NDUFA9: variants seen among roughly 807,000 people sequenced by gnomAD.
The protein encoded by NDUFA9 is NADH dehydrogenase [ubiquinone] 1 alpha subcomplex subunit 9, mitochondrial.
NDUFA9 carries 23 observed loss-of-function variants against 45.9 expected under a neutral mutation model. The ratio of observed to expected loss-of-function variants is 0.50; its 90% CI spans 0.36 to 0.71. NDUFA9 has a LOEUF of 0.71. Among genes scored for constraint, NDUFA9 ranks in the 30% least tolerant of loss-of-function variants. The probability of loss-of-function intolerance (pLI) is 0.00; values close to 1 mark genes in which losing one functional copy is unlikely to be tolerated. For synonymous variants in NDUFA9, 176 were observed against 170.5 expected (o/e 1.03, Z -0.25); for missense variants, 466 against 488.2 (o/e 0.95, Z 0.43).
At chr12:4,667,000 G>T (rs928020840) in intron 6 of NDUFA9, among the ~76,000 whole-genome samples, 4 of 152,166 alleles carry the variant, frequency 2.6e-5, no homozygotes, top group Admixed American at 2.6e-4. Flanking sequence ...CCATTTTGGG[G>T]TACAACAAAC....
intron 1 of NDUFA9, among the ~76,000 whole-genome samples, chr12:4,650,190 G>T (rs1945748935): frequency 1.3e-5 from 2 of 152,162 alleles, no homozygotes; most frequent in African/African-American, 4.8e-5. Context: ...AAGCACCACA[G>T]ATAGGCTTGA....
In NDUFA9 at chr12:4,649,149, G is replaced by T. The variant is rs762977169; in HGVS notation, c.23G>T (p.Arg8Leu). 5 of 1,605,064 alleles carry T rather than the reference G, an allele frequency of 3.1e-6. No individual in the cohort carries two copies. Among genetic ancestry groups the T allele is most frequent in the Non-Finnish European group, 3.4e-6 (4 of 1,176,074 alleles). Residue 8 changes from arginine to leucine, a missense_variant, in exon 1 of 11, where the codon CGG becomes CTG. Arg to Leu is a moderately radical substitution (Grantham distance 102). Coordinates refer to ENST00000266544, the MANE Select transcript of NDUFA9 (RefSeq NM_005002.5). ...AAGATGGCGGCTGCCGCACAATCCCGGGTTGTCCGGGTCCTGTCAATGTCA... is the reference window on the plus strand; with the variant it reads ...AAGATGGCGGCTGCCGCACAATCCCTGGTTGTCCGGGTCCTGTCAATGTCA... MAAAAQS[R>L]VVRVLSMSRS...
intron 6 of NDUFA9, among the ~76,000 whole-genome samples, chr12:4,668,117 A>T (rs1300588749): frequency 1.3e-5 from 2 of 152,212 alleles, no homozygotes; most frequent in African/African-American, 4.8e-5. Context: ...GATGAGTATC[A>T]TAAGGAGGAA....
intron 8 of NDUFA9, among the ~76,000 whole-genome samples, chr12:4,671,933 A>G (rs930340775): frequency 6.6e-6 from 1 of 152,232 alleles, no homozygotes; most frequent in African/African-American, 2.4e-5. Flanking sequence ...TAAGAGTTAT[A>G]AAACAAGGAT....
Position 4,689,060 on chromosome 12 carries a change from A to C in NDUFA9, c.*1952A>C, listed in dbSNP as rs1946004378. The C allele has an allele frequency of 6.6e-6, 1 of 152,236 alleles. No homozygotes were observed. Among genetic ancestry groups the C allele is most frequent in the Non-Finnish European group, 1.5e-5 (1 of 68,048 alleles). The allele number at this position is 152,236 out of a possible 1,614,324, so 9.4% of individuals were successfully genotyped here. On this transcript the variant is annotated 3_prime_UTR_variant, in exon 11 of 11. Coordinates refer to ENST00000266544, the MANE Select transcript of NDUFA9 (RefSeq NM_005002.5). ...ATATATTCATATAATCAATCAGTGT[A>C]ATTGGGATATCCATCACCTTAAACA...
intron 1 of NDUFA9, 106 bp downstream of exon 1, chr12:4,649,281 C>T (rs1945739833): frequency 1.5e-6 from 2 of 1,321,276 alleles, no homozygotes; most frequent in South Asian, 1.3e-5. Context: ...TTCCTAGGCA[C>T]ACTCTGGTTT....
chr12:4,658,551 GT>G (rs779007244), intron 4 of NDUFA9, among the ~76,000 whole-genome samples: 18 of 152,054 alleles, frequency 1.2e-4, no homozygotes, highest in Non-Finnish European at 2.4e-4. Flanking sequence ...AAGTCCCGGG[GT>G]AAGAAGTGAT....
chr12:4,658,970 T>A, intron 4 of NDUFA9, 66 bp from the exon 5 acceptor site: 1 of 1,449,858 alleles, frequency 6.9e-7, no homozygotes, highest in Non-Finnish European at 9.5e-7. Flanking sequence ...AACCATCTTA[T>A]CACGTAAAGC....
Position 4,657,758 on chromosome 12 carries a change from C to G in NDUFA9, c.329C>G (p.Ala110Gly), listed in dbSNP as rs775920867. ...LGQLLFLEWD[A>G]RDKDSIRRVV... ...TTTCTGCTATTATAGGAATGGGACG[C>G]GAGAGATAAAGATTCTATCCGACGA... Residue 110 changes from alanine (A) to glycine (G), a missense_variant, in exon 4 of 11, where the codon GCG (alanine) becomes GGG (glycine). Coordinates refer to ENST00000266544, the MANE Select transcript of NDUFA9 (RefSeq NM_005002.5). The G allele has an allele frequency of 6.2e-7, 1 of 1,612,466 alleles. No homozygotes were observed. The highest frequency in any genetic ancestry group is 2.2e-5 in the East Asian group (1 of 44,864).
At chr12:4,655,032 A>AG in intron 3 of NDUFA9, 110 bp downstream of exon 3, 1 of 778,756 alleles carries the variant, frequency 1.3e-6, no homozygotes, top group Non-Finnish European at 2.0e-6. Context: ...AATGGACCAA[A>AG]GGCATCCTCT....
intron 8 of NDUFA9, among the ~76,000 whole-genome samples, chr12:4,681,488 C>A (rs1945951884): frequency 6.7e-6 from 1 of 149,700 alleles, no homozygotes; most frequent in Admixed American, 6.7e-5. Context: ...ACATGAGATA[C>A]CTTTTTTTTT....
At chr12:4,665,812 T>C (rs114607412) in intron 6 of NDUFA9, among the ~76,000 whole-genome samples, 1,669 of 151,996 alleles carry the variant, frequency 0.011, 29 homozygotes, top group African/African-American at 0.037. Context: ...TGTGTGGTTT[T>C]TTTGTTTTTG....
At chr12:4,675,148 C>G (rs7972501) in intron 8 of NDUFA9, among the ~76,000 whole-genome samples, 63,074 of 152,088 alleles carry the variant, frequency 0.41, 13,951 homozygotes, top group Non-Finnish European at 0.5. Context: ...TCCAGAATCT[C>G]TGGAGCACAT....
intron 1 of NDUFA9, among the ~76,000 whole-genome samples, chr12:4,652,317 A>G (rs917010631): frequency 2.0e-5 from 3 of 152,110 alleles, no homozygotes; most frequent in African/African-American, 4.8e-5. Context: ...ATGTTAACTC[A>G]TATTTAAAAC....
At chr12:4,675,732 C>T (rs1006507709) in intron 8 of NDUFA9, among the ~76,000 whole-genome samples, 1 of 152,136 alleles carries the variant, frequency 6.6e-6, no homozygotes, top group Non-Finnish European at 1.5e-5. Flanking sequence ...TCCAGAGGTA[C>T]AAAGAGGAGC....
chr12:4,669,867 T>C, intron 8 of NDUFA9, 50 bp downstream of exon 8: 128 of 1,141,974 alleles, frequency 1.1e-4, no homozygotes, highest in Non-Finnish European at 1.6e-4. Context: ...AATGAAGGAA[T>C]CAATATCTAA....
chr12:4,668,648 A>G (rs1439377759), intron 7 of NDUFA9, 124 bp downstream of exon 7: 2 of 866,382 alleles, frequency 2.3e-6, no homozygotes, highest in African/African-American at 1.7e-5. Context: ...TGTGTCAGCT[A>G]GCTGCCTCTT....
At chr12:4,682,493 C>T (rs1321474199) in intron 9 of NDUFA9, among the ~76,000 whole-genome samples, 193 bp downstream of exon 9, 1 of 152,176 alleles carries the variant, frequency 6.6e-6, no homozygotes. Flanking sequence ...AACATTAAAT[C>T]TTCCCAATTC....
At chr12:4,658,403 T>G (rs1367076745) in intron 4 of NDUFA9, among the ~76,000 whole-genome samples, 2 of 149,630 alleles carry the variant, frequency 1.3e-5, no homozygotes, top group Non-Finnish European at 3.0e-5. Flanking sequence ...TTTGATGACT[T>G]GGGGGTCTTA....
Sources: gnomAD v4.1 joint callset for allele counts (sites outside exome capture counted in the v4.1 genomes callset) on GRCh38, gnomAD v4.1.1 for gene constraint, MANE v1.5 for transcripts, NCBI Gene and HGNC (gene_info 2026-07-23, HGNC 2026-07-21) for gene names.